NEBL: variants seen among roughly 807,000 people sequenced by gnomAD.
NEBL encodes nebulette.
In NEBL, 122 loss-of-function variants were observed where a neutral mutation model predicts 140.2. The observed-to-expected ratio is 0.87, with a 90% CI of 0.75 to 1.01. NEBL has a LOEUF of 1.01. Among genes scored for constraint, NEBL ranks in the 50% least tolerant of loss-of-function variants. The pLI is 0.00. For missense variants in NEBL, 1,365 were observed against 1,231.3 expected, an observed-to-expected ratio of 1.11 and a Z score of -1.62; for synonymous variants, 436 against 398.9, an observed-to-expected ratio of 1.09 and a Z score of -1.11.
intron 1 of NEBL, among the ~76,000 whole-genome samples, chr10:21,275,677 G>A (rs986412277): frequency 2.2e-5 from 2 of 89,166 alleles, no homozygotes; most frequent in East Asian, 6.3e-4. Context: ...TTTTGCTCTT[G>A]TTGCCAAGGC....
intron 2 of NEBL, chr10:21,029,215 C>A: frequency 6.9e-7 from 1 of 1,458,830 alleles, no homozygotes; most frequent in African/African-American, 1.4e-5. Context: ...CCATTCCATC[C>A]TTCCCACTGC....
chr10:21,078,773 G>C (rs1836225531), intron 2 of NEBL, among the ~76,000 whole-genome samples: 1 of 152,118 alleles, frequency 6.6e-6, no homozygotes, highest in African/African-American at 2.4e-5. Flanking sequence ...CTTATTTTTA[G>C]AAAGAAAAAG....
At chr10:21,268,933 A>T (rs570543269) in intron 1 of NEBL, among the ~76,000 whole-genome samples, 3 of 152,220 alleles carry the variant, frequency 2.0e-5, no homozygotes, top group Non-Finnish European at 4.4e-5. Context: ...AAACATCCAG[A>T]GCAGTGTGTA....
intron 4 of NEBL, among the ~76,000 whole-genome samples, chr10:20,938,176 G>T (rs929668584): frequency 1.3e-5 from 2 of 152,212 alleles, no homozygotes; most frequent in African/African-American, 4.8e-5. Context: ...TAGCCTAGCT[G>T]GGAGGCACCC....
Position 20,868,685 on chromosome 10 carries a change from T to C in NEBL, c.663A>G (p.Glu221=). 1.2e-6 allele frequency: 2 copies of C among 1,610,874 alleles called. No homozygotes were observed. The highest frequency in any genetic ancestry group is 1.7e-6 in the Non-Finnish European group (2 of 1,177,174). The change falls in exon 7 of 28, where the codon GAA becomes GAG. Residue 221 remains glutamate, a synonymous_variant. Coordinates refer to ENST00000377122, the MANE Select transcript of NEBL (RefSeq NM_006393.3). ...IGRPDFEHAV[E]ASKLSSQIKY... Reference sequence around the variant, plus strand: ...TTACTTGACTAGAAAGTTTAGAAGCTTCCACGGCATGTTCAAAATCTGGTC... The same window carrying C: ...TTACTTGACTAGAAAGTTTAGAAGCCTCCACGGCATGTTCAAAATCTGGTC...
chr10:21,240,303 G>T (rs1206568979), intron 3 of NEBL, among the ~76,000 whole-genome samples: 1 of 152,140 alleles, frequency 6.6e-6, no homozygotes, highest in Non-Finnish European at 1.5e-5. Context: ...TTCGTTGCAT[G>T]TAAGTATAGT....
At chr10:21,230,604 CTTTT>C (rs1157514424) in intron 3 of NEBL, among the ~76,000 whole-genome samples, 1 of 125,490 alleles carries the variant, frequency 8.0e-6, no homozygotes, top group Non-Finnish European at 1.8e-5. Flanking sequence ...AACTGGAAAC[CTTTT>C]TTTTTTTTTT....
Position 21,138,996 on chromosome 10 carries a change from G to A in NEBL, c.164+33387C>T, listed in dbSNP as rs1839489924. ...ATGACTTCATGATGTTCTTATACGT[G>A]ATCTATTCCTACTTTGATTGTTCAT... On this transcript the variant is annotated intron_variant, in intron 2 of 6. Transcript: ENST00000417816. 2.6e-5 allele frequency among the ~76,000 whole-genome samples: 4 copies of A among 152,198 alleles called. No homozygotes were observed. The South Asian group carries it at 8.3e-4, about 32-fold the overall frequency.
intron 2 of NEBL, among the ~76,000 whole-genome samples, chr10:21,022,785 G>A (rs140855772): frequency 1.1e-3 from 171 of 152,252 alleles, no homozygotes; most frequent in African/African-American, 2.9e-3. Context: ...TTGTATAACC[G>A]CTGGACTGTC....
chr10:21,026,924 C>A (rs1430681018), intron 2 of NEBL, among the ~76,000 whole-genome samples: 1 of 152,088 alleles, frequency 6.6e-6, no homozygotes, highest in African/African-American at 2.4e-5. Flanking sequence ...TTGGTGATAA[C>A]CCACTCCCCC....
intron 7 of NEBL, among the ~76,000 whole-genome samples, chr10:20,862,838 C>T (rs1385233180): frequency 6.6e-6 from 1 of 151,992 alleles, no homozygotes; most frequent in African/African-American, 2.4e-5. Context: ...GACTAGTGTG[C>T]CTAGTGGTCC....
At chr10:21,159,129 G>A (rs1381063892) in intron 2 of NEBL, among the ~76,000 whole-genome samples, 3 of 152,102 alleles carry the variant, frequency 2.0e-5, no homozygotes, top group South Asian at 2.1e-4. Context: ...TTTTAAAGAT[G>A]TATTCCCCCT....
chr10:21,009,705 A>G (rs1373872962), intron 3 of NEBL, among the ~76,000 whole-genome samples: 1 of 152,228 alleles, frequency 6.6e-6, no homozygotes, highest in Admixed American at 6.5e-5. Context: ...TGATGTTAAC[A>G]TAGTCATCTT....
chr10:21,086,038 A>T (rs1167308260), intron 2 of NEBL, among the ~76,000 whole-genome samples: 2 of 152,194 alleles, frequency 1.3e-5, no homozygotes, highest in East Asian at 3.9e-4. Context: ...TTTGAAAAAA[A>T]AATCCATAAA....
chr10:20,987,757 G>C (rs1837311459), intron 3 of NEBL, among the ~76,000 whole-genome samples: 1 of 152,162 alleles, frequency 6.6e-6, no homozygotes, highest in African/African-American at 2.4e-5. Flanking sequence ...CAAGTACTCA[G>C]GAATAAATGG....
intron 7 of NEBL, among the ~76,000 whole-genome samples, chr10:20,865,689 G>A (rs982855868): frequency 7.2e-5 from 11 of 152,074 alleles, no homozygotes; most frequent in South Asian, 6.2e-4. Flanking sequence ...TAGAGTCACC[G>A]CCCTTTAATG....
intron 4 of NEBL, among the ~76,000 whole-genome samples, chr10:20,949,282 A>T (rs1289445860): frequency 6.6e-6 from 1 of 151,996 alleles, no homozygotes; most frequent in African/African-American, 2.4e-5. Flanking sequence ...AACATCACAC[A>T]CTAGGGCCTG....
rs1375867265 is a variant in NEBL at position 20,934,119 on chromosome 10, C to T, written c.357+27553G>A. ...GATTGCAAGTTCTCACTCCCTGCTT[C>T]AGACTGGACTTTAGTCTCATCTGGG... On this transcript the variant is annotated intron_variant, in intron 4 of 6. Transcript: ENST00000417816. Among the ~76,000 whole-genome samples, 3 of 152,292 alleles carry T rather than the reference C, an allele frequency of 2.0e-5. No individual in the cohort carries two copies. In the East Asian group the frequency reaches 5.8e-4, roughly 29 times the overall value.
chr10:20,815,065 G>C, intron 22 of NEBL, among the ~76,000 whole-genome samples: 1 of 152,190 alleles, frequency 6.6e-6, no homozygotes, highest in East Asian at 1.9e-4. Flanking sequence ...GTGGACCTGA[G>C]GGCATTATGT....
Sources: allele counts gnomAD v4.1 joint callset (sites outside exome capture counted in the v4.1 genomes callset), GRCh38; gene constraint gnomAD v4.1.1; transcripts MANE v1.5; gene names NCBI Gene and HGNC (gene_info 2026-07-23, HGNC 2026-07-21).